Variants in SNX24 observed in about 807,000 individuals in gnomAD.
The protein encoded by SNX24 is sorting nexin-24.
Under a neutral mutation model 28.7 loss-of-function variants are expected in SNX24, and 22 were observed. The observed-to-expected ratio is 0.77, with a 90% CI of 0.55 to 1.10. The LOEUF (loss-of-function observed/expected upper bound fraction) is 1.10, where lower values mean the gene tolerates loss of function less well. Among genes scored for constraint, SNX24 ranks in the 50% least tolerant of loss-of-function variants. SNX24 has a pLI of 0.00. For synonymous variants in SNX24, 69 were observed against 71.5 expected (o/e 0.96, Z 0.18); for missense variants, 221 against 201.1 (o/e 1.10, Z -0.60).
chr5:122,994,629 A>G (rs1426650505), intron 3 of SNX24, among the ~76,000 whole-genome samples: 1 of 152,250 alleles, frequency 6.6e-6, no homozygotes, highest in East Asian at 1.9e-4. Context: ...TACCTTTTCA[A>G]TAAAAAGAGC....
At chr5:122,855,739 G>A (rs932202117) in intron 1 of SNX24, among the ~76,000 whole-genome samples, 3 of 152,182 alleles carry the variant, frequency 2.0e-5, no homozygotes, top group Non-Finnish European at 4.4e-5. Context: ...ATTAGGAGTA[G>A]ATTCCATCTC....
chr5:122,908,332 C>G (rs773919693), intron 1 of SNX24, among the ~76,000 whole-genome samples: 1 of 152,106 alleles, frequency 6.6e-6, no homozygotes, highest in South Asian at 2.1e-4. Flanking sequence ...TGACAGCTCA[C>G]CCAGAGAGGG....
chr5:122,984,757 A>C (rs2150159318), intron 3 of SNX24, among the ~76,000 whole-genome samples: 1 of 152,352 alleles, frequency 6.6e-6, no homozygotes, highest in East Asian at 1.9e-4. Flanking sequence ...TTAGAAATGA[A>C]GACGTAGTGG....
chr5:123,025,681 A>T, intron 5 of SNX24: 1 of 1,223,340 alleles, frequency 8.2e-7, no homozygotes, highest in Non-Finnish European at 1.2e-6. Flanking sequence ...AGTCAGCTAT[A>T]TAATGGATCT....
At chr5:122,845,999 G>A (rs2150025390) in intron 1 of SNX24, among the ~76,000 whole-genome samples, 1 of 152,316 alleles carries the variant, frequency 6.6e-6, no homozygotes. Context: ...AGCCCAGGAT[G>A]GGCTGCGTTC....
At chr5:122,991,969 G>GA (rs1761870366) in intron 3 of SNX24, among the ~76,000 whole-genome samples, 1 of 151,934 alleles carries the variant, frequency 6.6e-6, no homozygotes, top group Non-Finnish European at 1.5e-5. Flanking sequence ...AAATATAATA[G>GA]AAAAATATTG....
chr5:122,915,628 TA>T (rs936302229), intron 1 of SNX24, among the ~76,000 whole-genome samples: 2 of 151,478 alleles, frequency 1.3e-5, no homozygotes, highest in African/African-American at 4.9e-5. Flanking sequence ...CCTGTCTGTT[TA>T]AAAAAAAAAT....
intron 1 of SNX24, among the ~76,000 whole-genome samples, chr5:122,848,307 G>T (rs901430738): frequency 2.0e-5 from 3 of 152,040 alleles, no homozygotes; most frequent in African/African-American, 4.8e-5. Flanking sequence ...TATTGCACTG[G>T]CTAGTCTCAA....
intron 3 of SNX24, among the ~76,000 whole-genome samples, chr5:122,977,594 G>A (rs1029914988): frequency 2.6e-5 from 4 of 152,140 alleles, no homozygotes; most frequent in African/African-American, 7.2e-5. Flanking sequence ...TGTGGCTAAC[G>A]GTGCATGCAC....
rs372948679 is a variant in SNX24 at position 122,847,589 on chromosome 5, GC to G, written c.60+1897del. On this transcript the variant is annotated intron_variant, in intron 1 of 6. Coordinates refer to ENST00000261369, the MANE Select transcript of SNX24 (RefSeq NM_014035.4). The stretch of plus-strand genomic sequence containing the variant: ...GCTCACTGCAACCTCTGCCTCCTGG[GC>G]TCATGTAATCCTTCCACCTCAGCCC... Among the ~76,000 whole-genome samples, 60 of 149,832 alleles carry G rather than the reference GC, an allele frequency of 4.0e-4. No homozygotes were observed. In the East Asian group the frequency reaches 0.01, roughly 26 times the overall value.
intron 1 of SNX24, among the ~76,000 whole-genome samples, chr5:122,867,279 TC>T (rs1477999975): frequency 3.3e-5 from 5 of 152,182 alleles, no homozygotes; most frequent in African/African-American, 4.8e-5. Flanking sequence ...TGAAATCAGT[TC>T]CATGGCAGTG....
intron 1 of SNX24, among the ~76,000 whole-genome samples, chr5:122,924,287 A>T (rs1355425970): frequency 6.6e-6 from 1 of 152,208 alleles, no homozygotes; most frequent in Non-Finnish European, 1.5e-5. Flanking sequence ...CACCAACATC[A>T]CTTCTCCTGT....
At chr5:122,890,683 C>T (rs1756933132) in intron 1 of SNX24, among the ~76,000 whole-genome samples, 1 of 152,064 alleles carries the variant, frequency 6.6e-6, no homozygotes, top group South Asian at 2.1e-4. Flanking sequence ...GTTGGCCAGG[C>T]TGGTCTCGAA....
intron 1 of SNX24, among the ~76,000 whole-genome samples, chr5:122,876,230 A>G (rs1756215462): frequency 6.6e-6 from 1 of 152,236 alleles, no homozygotes; most frequent in African/African-American, 2.4e-5. Context: ...ACATTTTGAA[A>G]GTGTATATAT....
chr5:122,977,763 G>A (rs1367465283), intron 3 of SNX24, among the ~76,000 whole-genome samples: 1 of 152,116 alleles, frequency 6.6e-6, no homozygotes, highest in Admixed American at 6.6e-5. Flanking sequence ...TCAGAGTAGA[G>A]GAATTAGGTA....
rs189029577 is a variant in SNX24, at chr5:122,925,560, G to A, written c.61-11174G>A. Among the ~76,000 whole-genome samples, 634 of 152,072 alleles carry A rather than the reference G, an allele frequency of 4.2e-3. 15 individuals carry two copies. The highest frequency in any genetic ancestry group is 2.0e-3 in the East Asian group (10 of 5,122). On this transcript the variant is annotated intron_variant, in intron 1 of 6. Transcript: ENST00000261369. The stretch of plus-strand genomic sequence containing the variant: ...ATTAGAGATGTGAGCCACTGTGTCA[G>A]GCCTTGGTCTTTATTTTCATAGCTT...
intron 1 of SNX24, among the ~76,000 whole-genome samples, chr5:122,863,741 G>A (rs1755591569): frequency 6.6e-6 from 1 of 152,120 alleles, no homozygotes; most frequent in African/African-American, 2.4e-5. Context: ...TTTTTGTAGA[G>A]GTGGGGTCTC....
At chr5:122,906,276 T>C (rs1757643226) in intron 1 of SNX24, among the ~76,000 whole-genome samples, 1 of 152,304 alleles carries the variant, frequency 6.6e-6, no homozygotes, top group East Asian at 1.9e-4. Flanking sequence ...CACTCTGGGT[T>C]CCACCATGCT....
At chr5:122,869,303 A>G (rs1314983864) in intron 1 of SNX24, among the ~76,000 whole-genome samples, 5 of 152,198 alleles carry the variant, frequency 3.3e-5, no homozygotes, top group African/African-American at 7.2e-5. Flanking sequence ...TAACTTCCAA[A>G]TGACACCCAT....
Sources: gnomAD v4.1 joint callset for allele counts (sites outside exome capture counted in the v4.1 genomes callset) on GRCh38, gnomAD v4.1.1 for gene constraint, MANE v1.5 for transcripts, NCBI Gene and HGNC (gene_info 2026-07-23, HGNC 2026-07-21) for gene names.